Variants in CSMD1 observed in about 807,000 individuals in gnomAD.
CSMD1 encodes the protein CUB and Sushi multiple domains 1, also known as CUB and sushi domain-containing protein 1.
A neutral mutation model predicts 417.5 loss-of-function variants in CSMD1; 213 were observed. That is an observed-to-expected ratio of 0.51 (90% CI 0.46 to 0.57). The LOEUF (loss-of-function observed/expected upper bound fraction) is 0.57. CSMD1 is among the 20% of genes least tolerant of loss of function. The probability of loss-of-function intolerance (pLI) is 0.00; values close to 1 mark genes in which losing one functional copy is unlikely to be tolerated. For synonymous variants in CSMD1, 2,862 were observed against 1,736.8 expected (o/e 1.65, Z -16.11); for missense variants, 6,923 against 4,529.7 (o/e 1.53, Z -15.17).
intron 2 of CSMD1, among the ~76,000 whole-genome samples, chr8:4,518,896 T>G (rs1803273018): frequency 6.6e-6 from 1 of 152,172 alleles, no homozygotes; most frequent in African/African-American, 2.4e-5. Context: ...CAAGTAAACA[T>G]TCCCCATAAA....
At chr8:4,930,372 C>T (rs1032168843) in intron 1 of CSMD1, among the ~76,000 whole-genome samples, 1 of 151,496 alleles carries the variant, frequency 6.6e-6, no homozygotes, top group Admixed American at 6.6e-5. Context: ...GGTGCGCGCA[C>T]ACACACACAC....
chr8:3,538,579 T>G (rs892184823), intron 10 of CSMD1, among the ~76,000 whole-genome samples: 6 of 152,268 alleles, frequency 3.9e-5, no homozygotes, highest in Non-Finnish European at 1.5e-5. Flanking sequence ...TTGCCTCCCC[T>G]GTGATTGTGT....
intron 52 of CSMD1, among the ~76,000 whole-genome samples, chr8:3,017,805 T>TAAAAAA: frequency 8.2e-6 from 1 of 121,690 alleles, no homozygotes; most frequent in Non-Finnish European, 1.6e-5. Flanking sequence ...TTTGAGTGAT[T>TAAAAAA]TAAAAAAAAA....
At chr8:3,565,835 C>CA (rs1799682436) in intron 10 of CSMD1, among the ~76,000 whole-genome samples, 1 of 151,902 alleles carries the variant, frequency 6.6e-6, no homozygotes, top group Non-Finnish European at 1.5e-5. Context: ...TTTTTCTCCC[C>CA]AAATGACATG....
At chr8:4,464,844 C>T (rs1427493049) in intron 2 of CSMD1, among the ~76,000 whole-genome samples, 2 of 152,092 alleles carry the variant, frequency 1.3e-5, no homozygotes, top group Admixed American at 1.3e-4. Context: ...TCTATGATCC[C>T]AATTTACCCT....
chr8:3,760,838 T>C (rs977382696), intron 5 of CSMD1, among the ~76,000 whole-genome samples: 3 of 152,210 alleles, frequency 2.0e-5, no homozygotes, highest in Admixed American at 6.5e-5. Flanking sequence ...ATTACTGCTA[T>C]TGGGAGAGGC....
intron 11 of CSMD1, among the ~76,000 whole-genome samples, chr8:3,484,024 T>C (rs561023359): frequency 3.9e-4 from 59 of 152,314 alleles, no homozygotes; most frequent in African/African-American, 1.4e-3. Context: ...GTAATTCCTA[T>C]CACAATCCCA....
intron 5 of CSMD1, among the ~76,000 whole-genome samples, chr8:3,856,504 G>C (rs1404476935): frequency 6.6e-6 from 1 of 152,198 alleles, no homozygotes; most frequent in Admixed American, 6.5e-5. Flanking sequence ...AGAACTGCAT[G>C]AGGATCAAAT....
intron 10 of CSMD1, among the ~76,000 whole-genome samples, chr8:3,570,544 A>G (rs950324250): frequency 8.0e-6 from 1 of 125,422 alleles, no homozygotes; most frequent in Non-Finnish European, 1.7e-5. Flanking sequence ...GAGGGGAAAT[A>G]TTGTCTCCGC....
chr8:4,708,255 T>A (rs1227528869), intron 1 of CSMD1, among the ~76,000 whole-genome samples: 2 of 152,204 alleles, frequency 1.3e-5, no homozygotes, highest in African/African-American at 2.4e-5. Flanking sequence ...TGGCCTTCAG[T>A]GTGACTCTTG....
intron 3 of CSMD1, among the ~76,000 whole-genome samples, chr8:4,146,009 G>A (rs1804095414): frequency 6.6e-6 from 1 of 150,680 alleles, no homozygotes; most frequent in African/African-American, 2.5e-5. Flanking sequence ...GCACTAACTA[G>A]GTATTCAAAA....
At chr8:3,051,137 C>A (rs13282359) in intron 50 of CSMD1, among the ~76,000 whole-genome samples, 71 of 152,242 alleles carry the variant, frequency 4.7e-4, no homozygotes, top group African/African-American at 1.5e-3. Context: ...ACCATAAAGA[C>A]ACATGCACAT....
At chr8:3,051,637 A>C (rs989295902) in intron 50 of CSMD1, among the ~76,000 whole-genome samples, 1 of 152,226 alleles carries the variant, frequency 6.6e-6, no homozygotes, top group Non-Finnish European at 1.5e-5. Context: ...ATGTACTGAC[A>C]TGTAAAGACA....
intron 1 of CSMD1, among the ~76,000 whole-genome samples, chr8:4,684,302 G>A (rs1266353160): frequency 6.6e-6 from 1 of 152,100 alleles, no homozygotes; most frequent in African/African-American, 2.4e-5. Flanking sequence ...GCGCAGACTT[G>A]GTAAAAATCG....
chr8:3,711,038 T>C (rs1260035082), intron 6 of CSMD1, among the ~76,000 whole-genome samples: 1 of 152,156 alleles, frequency 6.6e-6, no homozygotes, highest in East Asian at 1.9e-4. Flanking sequence ...ACACATATTA[T>C]GTCTAAACTG....
intron 3 of CSMD1, among the ~76,000 whole-genome samples, chr8:4,344,076 G>A (rs1462972106): frequency 1.3e-5 from 2 of 152,092 alleles, no homozygotes; most frequent in African/African-American, 2.4e-5. Flanking sequence ...CACATACTCT[G>A]GCTTAACACG....
intron 1 of CSMD1, among the ~76,000 whole-genome samples, chr8:4,730,147 C>T (rs73175309): frequency 0.029 from 4,337 of 152,070 alleles, 93 homozygotes; most frequent in Non-Finnish European, 0.04. Flanking sequence ...GAGAGATTCC[C>T]AGAATGCAAA....
intron 2 of CSMD1, among the ~76,000 whole-genome samples, chr8:4,452,267 T>A (rs76054560): frequency 0.018 from 2,745 of 152,254 alleles, 87 homozygotes; most frequent in African/African-American, 0.061. Flanking sequence ...CTCCTCCTTG[T>A]CAAAGGAGGA....
intron 1 of CSMD1, among the ~76,000 whole-genome samples, chr8:4,735,685 T>G (rs1256493212): frequency 6.6e-6 from 1 of 152,174 alleles, no homozygotes; most frequent in Non-Finnish European, 1.5e-5. Context: ...GACACTTATT[T>G]GAACACTTGA....
Sources: allele counts gnomAD v4.1 joint callset (sites outside exome capture counted in the v4.1 genomes callset), GRCh38; gene constraint gnomAD v4.1.1; transcripts MANE v1.5; gene names NCBI Gene and HGNC (gene_info 2026-07-23, HGNC 2026-07-21).